Variants in NAXD observed in about 807,000 individuals in gnomAD.
NAXD encodes NAD(P)HX dehydratase.
Under a neutral mutation model 35.8 loss-of-function variants are expected in NAXD, and 22 were observed. The observed-to-expected ratio is 0.62, with a 90% CI of 0.44 to 0.88. The LOEUF (loss-of-function observed/expected upper bound fraction) is 0.88, where lower values mean the gene tolerates loss of function less well. Among genes scored for constraint, NAXD ranks in the 40% least tolerant of loss-of-function variants. The pLI, the probability that NAXD is intolerant of heterozygous loss-of-function variation, is 0.00. For synonymous variants in NAXD, 189 were observed against 177.6 expected (o/e 1.06, Z -0.51); for missense variants, 428 against 437.7 (o/e 0.98, Z 0.20).
intron 4 of NAXD, among the ~76,000 whole-genome samples, chr13:110,627,078 G>A (rs1276903379): frequency 6.6e-6 from 1 of 152,152 alleles, no homozygotes; most frequent in Non-Finnish European, 1.5e-5. Flanking sequence ...AGAGAGATCA[G>A]GGAGAGGCAA....
intron 5 of NAXD, among the ~76,000 whole-genome samples, chr13:110,633,327 CG>C (rs1296580729): frequency 1.3e-5 from 2 of 152,200 alleles, no homozygotes; most frequent in East Asian, 1.9e-4. Context: ...GCTCCGAGTG[CG>C]GGGCCCGCCA....
intron 8 of NAXD, among the ~76,000 whole-genome samples, chr13:110,636,142 G>A (rs1383308830): frequency 2.6e-5 from 4 of 152,236 alleles, no homozygotes; most frequent in Admixed American, 2.0e-4. Flanking sequence ...GGCAGAGGCC[G>A]GGCCCAGCGC....
Position 110,615,641 on chromosome 13 carries a change from A to G in NAXD, c.40A>G (p.Arg14Gly), listed in dbSNP as rs775424921. 6.0e-6 allele frequency: 9 copies of G among 1,495,154 alleles called. No individual in the cohort carries two copies. The highest frequency in any genetic ancestry group is 6.2e-6 in the Non-Finnish European group (7 of 1,127,568). The allele number at this position is 1,495,154 out of a possible 1,614,324, so 92.6% of individuals were successfully genotyped here. ...GPRCGAIRAC[R>G]RVLERAFSLR... Reference sequence around the variant, plus strand: ...TCGCTGTGGGGCAATCCGGGCTTGCAGACGAGGTAAGGTCGATTCCATTTG... The same window carrying G: ...TCGCTGTGGGGCAATCCGGGCTTGCGGACGAGGTAAGGTCGATTCCATTTG... The change falls in exon 1 of 10, where the codon AGA becomes GGA. Residue 14 changes from arginine (R) to glycine (G), a missense_variant. Coordinates refer to ENST00000680254, the MANE Select transcript of NAXD (RefSeq NM_001242882.2).
chr13:110,627,622 C>T, intron 5 of NAXD, 75 bp downstream of exon 5: 1 of 1,026,388 alleles, frequency 9.7e-7, no homozygotes, highest in South Asian at 1.3e-5. Context: ...AGGCATTTCT[C>T]TTGCATTTTG....
At chr13:110,619,591 C>T (rs1437746398) in intron 1 of NAXD, among the ~76,000 whole-genome samples, 2 of 152,178 alleles carry the variant, frequency 1.3e-5, no homozygotes, top group East Asian at 1.9e-4. Flanking sequence ...GCTAAAACTA[C>T]ACGCATGCAT....
In NAXD at chr13:110,635,372, G is replaced by A. The variant is rs990296159; in HGVS notation, c.598-96G>A. The stretch of plus-strand genomic sequence containing the variant: ...GTGCCTGGGTGATCCCTTTAGACAC[G>A]AGAGCATGAGTCTCATGGCGGATGG... On this transcript the variant is annotated intron_variant, in intron 7 of 9. Coordinates refer to ENST00000680254, the MANE Select transcript of NAXD (RefSeq NM_001242882.2). 2.2e-5 allele frequency: 31 copies of A among 1,440,198 alleles called. 1 individual carries two copies. The South Asian group carries it at 2.4e-4, about 11-fold the overall frequency. 89.2% of individuals were successfully genotyped at this position (1,440,198 alleles called of 1,614,324 possible).
At position 110,636,092 on chromosome 13, in the gene NAXD, G is replaced by A. The variant is rs149506009; in HGVS notation, c.718+504G>A. 2.0e-4 allele frequency among the ~76,000 whole-genome samples: 31 copies of A among 152,370 alleles called. 1 individual carries two copies. In the East Asian group the frequency reaches 6.0e-3, roughly 29 times the overall value. ...GCGAGTCTCAACTGGCCACTCCCAC[G>A]GAGCCTGGGGAGGCTTCAGCAAGAG... On this transcript the variant is annotated intron_variant, in intron 8 of 9. Coordinates refer to ENST00000680254, the MANE Select transcript of NAXD (RefSeq NM_001242882.2).
chr13:110,634,917 G>A (rs1015498814), intron 7 of NAXD, 141 bp downstream of exon 7: 27 of 676,342 alleles, frequency 4.0e-5, no homozygotes, highest in African/African-American at 2.3e-4. Context: ...AGCGGATGGC[G>A]CGTCTTCCCA....
intron 8 of NAXD, 46 bp from the exon 9 acceptor site, chr13:110,637,083 C>A: frequency 6.4e-7 from 1 of 1,570,456 alleles, no homozygotes; most frequent in South Asian, 1.2e-5. Context: ...GTCACATTCA[C>A]ACACATGGCC....
rs528596156 is a variant in NAXD at position 110,628,363 on chromosome 13, G to C, written c.441+816G>C. ...GCCACAGGGTGCTCACATGTGCAAG[G>C]CGTGGTGACTGCATGGGGATCAGAG... On this transcript the variant is annotated intron_variant, in intron 5 of 9. Transcript: ENST00000680254. This position sits in a 1 kb window ranked among gnomAD's most constrained non-coding sequence, Gnocchi z 4.1. 2.0e-5 allele frequency among the ~76,000 whole-genome samples: 3 copies of C among 152,328 alleles called. No individual in the cohort carries two copies. The highest frequency in any genetic ancestry group is 7.2e-5 in the African/African-American group (3 of 41,570).
chr13:110,624,262 ATC>A lies in NAXD; in HGVS notation c.229_230del (p.Ala78SerfsTer21). 6.2e-7 allele frequency: 1 copy of A among 1,608,176 alleles called. No homozygotes were observed. The highest frequency in any genetic ancestry group is 8.5e-7 in the Non-Finnish European group (1 of 1,175,412). ...CACTGGAGCCCCATATTTTGCAGCAATCTCAGCTCTCAAAGTGGTATGTTTAC... is the reference window on the plus strand; with the variant it reads ...CACTGGAGCCCCATATTTTGCAGCAATCAGCTCTCAAAGTGGTATGTTTAC... ...EYTGAPYFAAISALKVGADLS... is the reference protein window; with the variant it reads ...EYTGAPYFAAXSALKVGADLS... On this transcript the variant is annotated frameshift_variant, in exon 3 of 10. Transcript: ENST00000680254. LOFTEE classifies it high-confidence loss of function.
rs1303579587 is a variant in NAXD, at chr13:110,616,520, G to T, written c.46+873G>T. Among the ~76,000 whole-genome samples, 2 of 152,234 alleles carry T rather than the reference G, an allele frequency of 1.3e-5. 1 individual carries two copies. Among genetic ancestry groups the T allele is most frequent in the Non-Finnish European group, 2.9e-5 (2 of 68,050 alleles). ...AGATGTCCCCGAGGGCCCTGCCCTG[G>T]CCTTGGCTGGTCCTTGCACGCTGAG... On this transcript the variant is annotated intron_variant, in intron 1 of 9. Transcript: ENST00000680254.
intron 1 of NAXD, among the ~76,000 whole-genome samples, chr13:110,621,699 A>G (rs1018836373): frequency 6.6e-6 from 1 of 150,974 alleles, no homozygotes; most frequent in Non-Finnish European, 1.5e-5. Flanking sequence ...TGTCTCAAAT[A>G]AATAAATAAA....
intron 5 of NAXD, among the ~76,000 whole-genome samples, chr13:110,630,749 G>C (rs544213998): frequency 6.6e-6 from 1 of 152,270 alleles, no homozygotes; most frequent in African/African-American, 2.4e-5. Flanking sequence ...TCCAGCTGTT[G>C]CAGCACCATG....
chr13:110,637,056 C>T, intron 8 of NAXD, 73 bp from the exon 9 acceptor site: 4 of 1,517,974 alleles, frequency 2.6e-6, no homozygotes, highest in East Asian at 2.4e-5. Flanking sequence ...GTGCGGCCTT[C>T]CACACCCGTG....
At chr13:110,633,327 C>T (rs900411626) in intron 5 of NAXD, among the ~76,000 whole-genome samples, 4 of 152,200 alleles carry the variant, frequency 2.6e-5, no homozygotes, top group Admixed American at 6.5e-5. Flanking sequence ...GCTCCGAGTG[C>T]GGGGCCCGCC....
At chr13:110,620,309 C>T (rs971709517) in intron 1 of NAXD, among the ~76,000 whole-genome samples, 7 of 151,236 alleles carry the variant, frequency 4.6e-5, no homozygotes, top group African/African-American at 1.2e-4. Context: ...GGGCTGAGCG[C>T]GGTGGCTCAC....
At chr13:110,625,997 G>A (rs1200828889) in intron 4 of NAXD, among the ~76,000 whole-genome samples, 1 of 152,138 alleles carries the variant, frequency 6.6e-6, no homozygotes, top group African/African-American at 2.4e-5. Flanking sequence ...TGACGCCTGG[G>A]TCGAGCCCGG....
chr13:110,625,528 C>T (rs1026860745), intron 4 of NAXD, among the ~76,000 whole-genome samples: 3 of 152,188 alleles, frequency 2.0e-5, no homozygotes, highest in African/African-American at 7.2e-5. Flanking sequence ...GCTCCAGAGG[C>T]AGGGAGGCCC....
Sources: gnomAD v4.1 joint callset for allele counts (sites outside exome capture counted in the v4.1 genomes callset) on GRCh38, gnomAD v4.1.1 for gene constraint, Gnocchi (gnomAD v3.1) non-coding constraint, MANE v1.5 for transcripts, NCBI Gene and HGNC (gene_info 2026-07-23, HGNC 2026-07-21) for gene names.